The following TRMT1 variants were observed in gnomAD, a reference collection of about 807,000 sequenced individuals.
TRMT1 encodes the protein tRNA methyltransferase 1.
Under a neutral mutation model 75.4 loss-of-function variants are expected in TRMT1, and 63 were observed. The ratio of observed to expected loss-of-function variants is 0.84; its 90% CI spans 0.68 to 1.03. TRMT1 has a LOEUF of 1.03. TRMT1 is among the 50% of genes least tolerant of loss of function. The pLI, the probability that TRMT1 is intolerant of heterozygous loss-of-function variation, is 0.00. For synonymous variants in TRMT1, 382 were observed against 358.1 expected, an observed-to-expected ratio of 1.07 and a Z score of -0.75; for missense variants, 870 against 905.3, an observed-to-expected ratio of 0.96 and a Z score of 0.50.
At position 13,115,720 on chromosome 19, in the gene TRMT1, G is replaced by A; in HGVS notation, c.359C>T (p.Ser120Leu). The change falls in exon 4 of 17, where the codon TCA becomes TTA. Residue 120 changes from serine (S) to leucine (L), a missense_variant. Physicochemically the swap from Ser to Leu is moderately radical, Grantham distance 145 (BLOSUM62 -2). Coordinates refer to ENST00000357720, the MANE Select transcript of TRMT1 (RefSeq NM_001136035.4). ...TTCAACCTTTTCCTCCTCTTGCTCTGACAAGTCCACGACCACTTTTTGCGT... is the reference window on the plus strand; with the variant it reads ...TTCAACCTTTTCCTCCTCTTGCTCTAACAAGTCCACGACCACTTTTTGCGT... ...KDTQKVVVDL[S>L]EQEEEKVELK... 1 of 1,614,020 alleles carries A rather than the reference G, an allele frequency of 6.2e-7. No homozygotes were observed. Among genetic ancestry groups the A allele is most frequent in the Non-Finnish European group, 8.5e-7 (1 of 1,180,006 alleles).
At chr19:13,115,863 G>C in intron 3 of TRMT1, 95 bp from the exon 4 acceptor site, 1 of 1,604,150 alleles carries the variant, frequency 6.2e-7, no homozygotes, top group Non-Finnish European at 8.5e-7. Flanking sequence ...AAATCCCTGC[G>C]GAAAGGCTGA....
Position 13,109,575 on chromosome 19 carries a change from C to G in TRMT1, c.1286G>C (p.Arg429Pro), listed in dbSNP as rs780362420. 2 of 1,613,896 alleles carry G rather than the reference C, an allele frequency of 1.2e-6. No homozygotes were observed. Among genetic ancestry groups the G allele is most frequent in the Admixed American group, 1.7e-5 (1 of 60,000 alleles). Reference protein sequence around the residue: ...PGRFHTSERIRGVLSVITEEL... With the variant: ...PGRFHTSERIPGVLSVITEEL... ...CTCAGTGATGACGCTCAGGACCCCT[C>G]GGATCCGCTCCGAGGTGTGGAAGCG... The change falls in exon 11 of 17, where the codon CGA (arginine) becomes CCA (proline). Residue 429 changes from arginine (R) to proline (P), a missense_variant. Coordinates refer to ENST00000357720, the MANE Select transcript of TRMT1 (RefSeq NM_001136035.4).
intron 5 of TRMT1, 33 bp downstream of exon 5, chr19:13,115,246 T>C: frequency 6.3e-7 from 1 of 1,579,866 alleles, no homozygotes; most frequent in Non-Finnish European, 8.6e-7. Flanking sequence ...GGCAGGCTTG[T>C]CCCAGAGCTA....
chr19:13,104,961 C>A lies in TRMT1; in HGVS notation c.1954G>T (p.Ala652Ser). ...TSNQTPPGPGAAAGPGID is the reference protein window; with the variant it reads ...TSNQTPPGPGSAAGPGID The stretch of plus-strand genomic sequence containing the variant: ...CAGTCTATGCCTGGCCCAGCGGCAG[C>A]CCCAGGTCCAGGGGGGGTCTGGTTG... Residue 652 changes from alanine to serine, a missense_variant, in exon 17 of 17, where the codon GCT (alanine) becomes TCT (serine). Coordinates refer to ENST00000357720, the MANE Select transcript of TRMT1 (RefSeq NM_001136035.4). The A allele has an allele frequency of 1.2e-6, 2 of 1,613,882 alleles. No individual in the cohort carries two copies. Among genetic ancestry groups the A allele is most frequent in the Non-Finnish European group, 1.7e-6 (2 of 1,179,946 alleles).
intron 5 of TRMT1, among the ~76,000 whole-genome samples, chr19:13,114,449 G>A (rs559122672): frequency 6.6e-6 from 1 of 152,272 alleles, no homozygotes; most frequent in African/African-American, 2.4e-5. Flanking sequence ...GGCAGATCAC[G>A]AGGTCAGGAA....
At position 13,116,498 on chromosome 19, in the gene TRMT1, C is replaced by G. The variant is rs879025055; in HGVS notation, c.-32-67G>C. The stretch of plus-strand genomic sequence containing the variant: ...GCCGCATTCCGGGCCCGGGGATGTC[C>G]TACATATCTATGAGGTAGGGACTAG... On this transcript the variant is annotated intron_variant, in intron 1 of 16. Coordinates refer to ENST00000357720, the MANE Select transcript of TRMT1 (RefSeq NM_001136035.4). 23 of 1,475,826 alleles carry G rather than the reference C, an allele frequency of 1.6e-5. No individual in the cohort carries two copies. The South Asian group carries it at 3.0e-4, about 19-fold the overall frequency. 91.4% of individuals were successfully genotyped at this position (1,475,826 alleles called of 1,614,324 possible). A position where few individuals can be genotyped will look rare whatever the true frequency, so the allele number is the denominator to read the frequency against.
At position 13,112,707 on chromosome 19, in the gene TRMT1, T is replaced by C; in HGVS notation, c.868A>G (p.Met290Val). The C allele has an allele frequency of 6.2e-7, 1 of 1,611,330 alleles. No individual in the cohort carries two copies. The highest frequency in any genetic ancestry group is 8.5e-7 in the Non-Finnish European group (1 of 1,179,758). ...MALKSRACHE[M>V]ALRIVLHSLD... ...CTGGCTGGCAGAGGGCCCCTCACCA[T>C]CTCGTGGCAGGCCCGGCTCTTGAGG... Residue 290 changes from methionine to valine, a missense_variant and splice_region_variant, in exon 7 of 17, where the codon ATG (methionine) becomes GTG (valine). Met to Val is a conservative substitution (Grantham distance 21, BLOSUM62 1). Coordinates refer to ENST00000357720, the MANE Select transcript of TRMT1 (RefSeq NM_001136035.4).
chr19:13,106,857 C>G (rs1462372767), intron 14 of TRMT1, among the ~76,000 whole-genome samples: 1 of 151,170 alleles, frequency 6.6e-6, no homozygotes, highest in Non-Finnish European at 1.5e-5. Context: ...GAGTCTTACT[C>G]TGTCACCCAG....
chr19:13,106,642 AT>A (rs35374756), intron 14 of TRMT1, among the ~76,000 whole-genome samples: 6,544 of 131,804 alleles, frequency 0.05, 413 homozygotes, highest in African/African-American at 0.16. Context: ...CACCTGGCTA[AT>A]TTTTTTTTTT....
chr19:13,105,299 G>C lies in TRMT1; in HGVS notation c.1801C>G (p.Leu601Val). The change falls in exon 16 of 17, where the codon CTC becomes GTC. Residue 601 changes from leucine (L) to valine (V), a missense_variant. Coordinates refer to ENST00000357720, the MANE Select transcript of TRMT1 (RefSeq NM_001136035.4). ...PEDVAQRAAR[L>V]KTFPCKRFKE... ...AACCTCTTGCAAGGAAATGTCTTGA[G>C]CCGGGCAGCCCGCTGGGCCACATCT... 1 of 1,614,002 alleles carries C rather than the reference G, an allele frequency of 6.2e-7. No individual in the cohort carries two copies. Among genetic ancestry groups the C allele is most frequent in the Non-Finnish European group, 8.5e-7 (1 of 1,180,016 alleles).
At chr19:13,110,055 T>C (rs1276881772) in intron 8 of TRMT1, 54 bp from the exon 9 acceptor site, 3 of 1,612,118 alleles carry the variant, frequency 1.9e-6, no homozygotes, top group African/African-American at 1.3e-5. Flanking sequence ...ACACCCCAAC[T>C]CCTCCCTTAG....
rs771371516 is a variant in TRMT1, at chr19:13,110,145, C to T, written c.1019+13G>A. The stretch of plus-strand genomic sequence containing the variant: ...TCTCTCAATCCACCACCGCTCTCTG[C>T]CCCCGGGCTGACCTGGCTGAGGCCT... On this transcript the variant is annotated intron_variant, in intron 8 of 16. Transcript: ENST00000357720. The T allele has an allele frequency of 4.3e-6, 7 of 1,611,638 alleles. No homozygotes were observed. The Admixed American group carries it at 8.3e-5, about 19-fold the overall frequency.
At chr19:13,109,280 C>G (rs1435244425) in intron 12 of TRMT1, 101 bp downstream of exon 12, 1 of 1,371,258 alleles carries the variant, frequency 7.3e-7, no homozygotes, top group Non-Finnish European at 1.0e-6. Context: ...GCACCGGGTT[C>G]TCCCCACCCC....
intron 16 of TRMT1, 22 bp from the exon 17 acceptor site, chr19:13,105,103 T>C: frequency 1.9e-6 from 3 of 1,566,064 alleles, no homozygotes; most frequent in Non-Finnish European, 2.6e-6. Flanking sequence ...ATGGTGGGTG[T>C]GAACCCCTGC....
At position 13,116,053 on chromosome 19, in the gene TRMT1, C is replaced by T; in HGVS notation, c.255-1G>A. ...AGCAAACTCGGTGATCACAGCACATCTGGTGGGAGACAGAGGACTAGCTCA... is the reference window on the plus strand; with the variant it reads ...AGCAAACTCGGTGATCACAGCACATTTGGTGGGAGACAGAGGACTAGCTCA... On this transcript the variant is annotated splice_acceptor_variant, in intron 2 of 16. Coordinates refer to ENST00000357720, the MANE Select transcript of TRMT1 (RefSeq NM_001136035.4). LOFTEE classifies it high-confidence loss of function. 1 of 1,614,102 alleles carries T rather than the reference C, an allele frequency of 6.2e-7. No individual in the cohort carries two copies. The highest frequency in any genetic ancestry group is 8.5e-7 in the Non-Finnish European group (1 of 1,180,032).
chr19:13,113,098 G>T (rs1324167629), intron 5 of TRMT1, 87 bp from the exon 6 acceptor site: 3 of 949,250 alleles, frequency 3.2e-6, no homozygotes, highest in Admixed American at 6.9e-5. Flanking sequence ...CAGCACAGTG[G>T]TTTGGGTCTG....
Position 13,115,456 on chromosome 19 carries a change from T to C in TRMT1, c.464A>G (p.His155Arg), listed in dbSNP as rs748467610. ...TGAAGCTGCCAGGCCTTCCAGCACA[T>C]GCAGGCCTTCCTGTTGGAGTAAGCA... ...AVGEICEEGL[H>R]VLEGLAASGL... The change falls in exon 5 of 17, where the codon CAT (histidine) becomes CGT (arginine). Residue 155 changes from histidine to arginine, a missense_variant. Coordinates refer to ENST00000357720, the MANE Select transcript of TRMT1 (RefSeq NM_001136035.4). The C allele has an allele frequency of 3.7e-6, 6 of 1,612,990 alleles. No homozygotes were observed. The highest frequency in any genetic ancestry group is 4.2e-6 in the Non-Finnish European group (5 of 1,179,546).
chr19:13,109,590 G>A lies in TRMT1; in HGVS notation c.1271C>T (p.Thr424Ile), dbSNP rs1178656524. Reference protein sequence around the residue: ...AVSANPGRFHTSERIRGVLSV... With the variant: ...AVSANPGRFHISERIRGVLSV... ...CAGGACCCCTCGGATCCGCTCCGAG[G>A]TGTGGAAGCGGCCGGGGTTAGCGCT... Residue 424 changes from threonine to isoleucine, a missense_variant, in exon 11 of 17, where the codon ACC (threonine) becomes ATC (isoleucine). By Grantham distance (89) the Thr-to-Ile change is moderately conservative. Coordinates refer to ENST00000357720, the MANE Select transcript of TRMT1 (RefSeq NM_001136035.4). 6.2e-7 allele frequency: 1 copy of A among 1,613,956 alleles called. No individual in the cohort carries two copies.
intron 14 of TRMT1, 23 bp from the exon 15 acceptor site, chr19:13,105,629 T>A (rs747739128): frequency 7.5e-6 from 12 of 1,603,050 alleles, no homozygotes. Context: ...GGGTGGGGCG[T>A]TGGGGCTGGG....
Sources: gnomAD v4.1 joint callset for allele counts (sites outside exome capture counted in the v4.1 genomes callset) on GRCh38, gnomAD v4.1.1 for gene constraint, MANE v1.5 for transcripts, NCBI Gene and HGNC (gene_info 2026-07-23, HGNC 2026-07-21) for gene names.